VWDE: variants seen among roughly 807,000 people sequenced by gnomAD.
VWDE encodes von Willebrand factor D and EGF domains.
Under a neutral mutation model 178.4 loss-of-function variants are expected in VWDE, and 207 were observed. The observed-to-expected ratio is 1.16, with a 90% confidence interval of 1.04 to 1.30. The LOEUF is 1.30. Ranked by LOEUF, VWDE falls within the 50% of genes most tolerant of loss-of-function variation. The pLI, the probability that VWDE is intolerant of heterozygous loss-of-function variation, is 0.00. For missense variants in VWDE, 2,287 were observed against 1,901.3 expected (o/e 1.20, Z -3.77); for synonymous variants, 738 against 651.4 (o/e 1.13, Z -2.02).
intron 7 of VWDE, among the ~76,000 whole-genome samples, chr7:12,376,200 A>G (rs1274474556): frequency 6.6e-6 from 1 of 152,130 alleles, no homozygotes; most frequent in Non-Finnish European, 1.5e-5. Context: ...TTTCTAGCTT[A>G]GATATAGCCC....
Position 12,375,165 on chromosome 7 carries a change from A to G in VWDE, c.1087T>C (p.Ser363Pro). 6.4e-7 allele frequency: 1 copy of G among 1,551,214 alleles called. No homozygotes were observed. Among genetic ancestry groups the G allele is most frequent in the Non-Finnish European group, 8.7e-7 (1 of 1,146,626 alleles). ...CTACAGGTTCCATTAGCACAGGAAG[A>G]TGTCTGGAGAAGGTCCACATGACAG... ...SSCHVDLLQT[S>P]SCANGTCSHT... Residue 363 changes from serine (S) to proline (P), a missense_variant, in exon 8 of 29, where the codon TCT becomes CCT. Ser to Pro is a moderately conservative substitution (Grantham distance 74). Coordinates refer to ENST00000275358, the MANE Select transcript of VWDE (RefSeq NM_001135924.3).
chr7:12,359,537 T>A, intron 16 of VWDE, 41 bp downstream of exon 16: 1 of 1,355,174 alleles, frequency 7.4e-7, no homozygotes, highest in Non-Finnish European at 1.0e-6. Flanking sequence ...TTTTAAAATG[T>A]CTTGTATAGG....
At chr7:12,364,467 A>G (rs936969543) in intron 13 of VWDE, among the ~76,000 whole-genome samples, 5 of 152,136 alleles carry the variant, frequency 3.3e-5, no homozygotes, top group African/African-American at 1.2e-4. Context: ...GGAGCAAGTT[A>G]AAAGGACGTG....
chr7:12,331,207 G>A lies in VWDE; in HGVS notation c.4759-10C>T, dbSNP rs1011095734. The A allele has an allele frequency of 1.3e-6, 2 of 1,539,824 alleles. No homozygotes were observed. Among genetic ancestry groups the A allele is most frequent in the Non-Finnish European group, 1.8e-6 (2 of 1,138,664 alleles). On this transcript the variant is annotated splice_polypyrimidine_tract_variant and intron_variant, in intron 28 of 28. Transcript: ENST00000275358. ...CTCAATGGCGTCTTATCTGTAGTAG[G>A]AAGAAGGAAATTGTGTTTCAATGAA... is the stretch of plus-strand genomic sequence containing the variant.
At chr7:12,346,998 G>C (rs1781641256) in intron 19 of VWDE, among the ~76,000 whole-genome samples, 1 of 152,104 alleles carries the variant, frequency 6.6e-6, no homozygotes, top group South Asian at 2.1e-4. Context: ...AGGACTTCGT[G>C]AAACATAAAA....
intron 27 of VWDE, among the ~76,000 whole-genome samples, chr7:12,335,691 G>A (rs1780980694): frequency 6.6e-6 from 1 of 152,176 alleles, no homozygotes; most frequent in Non-Finnish European, 1.5e-5. Context: ...TCCTGACCTG[G>A]TGATCCGCTG....
intron 15 of VWDE, among the ~76,000 whole-genome samples, chr7:12,360,529 A>T (rs1583303248): frequency 6.6e-6 from 1 of 152,336 alleles, no homozygotes; most frequent in East Asian, 1.9e-4. Flanking sequence ...TAAAATTTTC[A>T]TGTACATAAA....
At chr7:12,375,881 A>G (rs1783501355) in intron 7 of VWDE, among the ~76,000 whole-genome samples, 1 of 152,082 alleles carries the variant, frequency 6.6e-6, no homozygotes, top group South Asian at 2.1e-4. Flanking sequence ...AAAAAAGAGA[A>G]AAGAACTCCA....
Position 12,369,588 on chromosome 7 carries a change from C to G in VWDE, c.2718G>C (p.Ala906=). 6.5e-7 allele frequency: 1 copy of G among 1,548,450 alleles called. No individual in the cohort carries two copies. The highest frequency in any genetic ancestry group is 8.7e-7 in the Non-Finnish European group (1 of 1,144,538). Reference sequence around the variant, plus strand: ...CATAGGAACTAAAGCTTGGGGAACACGCACACCCCCATTCCATGCACTGCC... The same window carrying G: ...CATAGGAACTAAAGCTTGGGGAACAGGCACACCCCCATTCCATGCACTGCC... ...GNGQCMEWGC[A]CSPSFSSYDC... The change falls in exon 12 of 29, where the codon GCG becomes GCC. Residue 906 remains alanine, a synonymous_variant. Transcript: ENST00000275358.
Position 12,359,615 on chromosome 7 carries a change from T to A in VWDE, c.3237A>T (p.Arg1079Ser). 2 of 1,550,376 alleles carry A rather than the reference T, an allele frequency of 1.3e-6. No individual in the cohort carries two copies. Among genetic ancestry groups the A allele is most frequent in the East Asian group, 2.5e-5 (1 of 40,770 alleles). Residue 1079 changes from arginine to serine, a missense_variant, in exon 16 of 29, where the codon AGA (arginine) becomes AGT (serine). Physicochemically the swap from Arg to Ser is moderately radical, Grantham distance 110. Transcript: ENST00000275358. Reference protein sequence around the residue: ...KNPTSPCLICRPKISRFTWSF... With the variant: ...KNPTSPCLICSPKISRFTWSF... ...ACCAAGTAAATCTTGAAATTTTGGG[T>A]CTACAAATCAAACAAGGGCTGGTTG...
intron 1 of VWDE, among the ~76,000 whole-genome samples, chr7:12,402,491 G>C (rs1392160058): frequency 6.6e-6 from 1 of 152,176 alleles, no homozygotes; most frequent in Non-Finnish European, 1.5e-5. Flanking sequence ...GTCTTCAGCA[G>C]AGAGATTACA....
intron 1 of VWDE, among the ~76,000 whole-genome samples, chr7:12,398,256 A>G (rs955470197): frequency 4.6e-5 from 7 of 152,140 alleles, no homozygotes; most frequent in Admixed American, 4.6e-4. Context: ...TCTTTTGAAT[A>G]AATATAGAAA....
intron 3 of VWDE, among the ~76,000 whole-genome samples, chr7:12,386,021 G>A (rs1365585714): frequency 6.6e-6 from 1 of 152,088 alleles, no homozygotes; most frequent in Non-Finnish European, 1.5e-5. Context: ...AATATTTGTG[G>A]TGAAGTGATT....
rs780505299 is a variant in VWDE at position 12,403,537 on chromosome 7, T to A, written c.58+122A>T. The stretch of plus-strand genomic sequence containing the variant: ...AGAGGAGGCGGGTGAGGAACAAACA[T>A]CGCTTGCTGCCTTAAAACGCACAGG... On this transcript the variant is annotated intron_variant, in intron 1 of 28. Transcript: ENST00000275358. 83 of 910,000 alleles carry A rather than the reference T, an allele frequency of 9.1e-5. No individual in the cohort carries two copies. The Middle Eastern group carries it at 1.4e-3, about 15-fold the overall frequency. The allele number at this position is 910,000 out of a possible 1,614,324, so 56.4% of individuals were successfully genotyped here. A position where few individuals can be genotyped will look rare whatever the true frequency, so the allele number is the denominator to read the frequency against.
At chr7:12,333,901 T>C (rs1358162225) in intron 27 of VWDE, among the ~76,000 whole-genome samples, 3 of 152,154 alleles carry the variant, frequency 2.0e-5, no homozygotes, top group Non-Finnish European at 1.5e-5. Context: ...TAACAGAAGA[T>C]AGCATCTATA....
At chr7:12,396,437 C>T (rs1181464291) in intron 1 of VWDE, among the ~76,000 whole-genome samples, 2 of 152,122 alleles carry the variant, frequency 1.3e-5, no homozygotes. Flanking sequence ...TACAGGAATT[C>T]CTACAGGAAT....
At chr7:12,373,907 A>G (rs1783358997) in intron 9 of VWDE, among the ~76,000 whole-genome samples, 1 of 152,158 alleles carries the variant, frequency 6.6e-6, no homozygotes, top group Admixed American at 6.6e-5. Context: ...CCGTTAGATC[A>G]GTTCCTTCAG....
At position 12,340,369 on chromosome 7, in the gene VWDE, T is replaced by A. The variant is rs560057888; in HGVS notation, c.4319A>T (p.Asn1440Ile). ...CLNGGSCNKP[N>I]TCLCPNGFFG... ...GAATCCATTTGGACAGAGGCAAGTATTTGGCTTATTACACGAACCACCATT... is the reference window on the plus strand; with the variant it reads ...GAATCCATTTGGACAGAGGCAAGTAATTGGCTTATTACACGAACCACCATT... The change falls in exon 24 of 29, where the codon AAT (asparagine) becomes ATT (isoleucine). Residue 1440 changes from asparagine (N) to isoleucine (I), a missense_variant. By Grantham distance (149) the Asn-to-Ile change is moderately radical. Transcript: ENST00000275358. 506 of 1,551,530 alleles carry A rather than the reference T, an allele frequency of 3.3e-4. 8 individuals carry two copies. In the South Asian group the frequency reaches 5.4e-3, roughly 16 times the overall value.
intron 19 of VWDE, among the ~76,000 whole-genome samples, chr7:12,345,429 G>T (rs894327291): frequency 2.6e-5 from 4 of 152,054 alleles, no homozygotes; most frequent in Non-Finnish European, 4.4e-5. Context: ...ACCCAAAGGG[G>T]CAGCGTCCAC....
Sources: gnomAD v4.1 joint callset for allele counts (sites outside exome capture counted in the v4.1 genomes callset) on GRCh38, gnomAD v4.1.1 for gene constraint, MANE v1.5 for transcripts, NCBI Gene and HGNC (gene_info 2026-07-23, HGNC 2026-07-21) for gene names.